The following GCN1 variants were observed in gnomAD, a reference collection of about 807,000 sequenced individuals.
GCN1 encodes stalled ribosome sensor GCN1.
In GCN1, 90 loss-of-function variants were observed where a neutral mutation model predicts 288.4. The ratio of observed to expected loss-of-function variants is 0.31; its 90% CI spans 0.26 to 0.37. The LOEUF (loss-of-function observed/expected upper bound fraction) is 0.37. GCN1 is among the 10% of genes least tolerant of loss of function. GCN1 has a pLI of 1.00. For missense variants in GCN1, 2,586 were observed against 3,419.9 expected (o/e 0.76, Z 6.08); for synonymous variants, 1,386 against 1,420.2 (o/e 0.98, Z 0.54).
Position 120,153,411 on chromosome 12 carries a change from G to A in GCN1, c.3868-4C>T. ...GCAACAGCGAGTTGACGTTCTCCTG[G>A]AAAGCCAAACCCCTCAGAGCCTCAG... On this transcript the variant is annotated splice_region_variant and splice_polypyrimidine_tract_variant and intron_variant, in intron 32 of 57. Coordinates refer to ENST00000300648, the MANE Select transcript of GCN1 (RefSeq NM_006836.2). This position sits in a 1 kb window ranked among gnomAD's most constrained non-coding sequence, Gnocchi z 4.4. The A allele has an allele frequency of 6.2e-7, 1 of 1,613,526 alleles. No homozygotes were observed. The highest frequency in any genetic ancestry group is 8.5e-7 in the Non-Finnish European group (1 of 1,179,848).
intron 12 of GCN1, among the ~76,000 whole-genome samples, chr12:120,174,744 T>C (rs1412154681): frequency 3.4e-5 from 5 of 147,554 alleles, no homozygotes; most frequent in African/African-American, 1.0e-4. Context: ...TGAGCCAAGA[T>C]TGTGCCACTG....
rs578129826 is a variant in GCN1 at position 120,147,112 on chromosome 12, C to T, written c.4887G>A (p.Thr1629=). 14 of 1,605,096 alleles carry T rather than the reference C, an allele frequency of 8.7e-6. No homozygotes were observed. The highest frequency in any genetic ancestry group is 5.3e-5 in the African/African-American group (4 of 74,896). Reference sequence around the variant, plus strand: ...TCTGGGCTGCCATCTTCCGCGTGTCCGTGGAACGGTCCTGGAAGGCTCTCT... The same window carrying T: ...TCTGGGCTGCCATCTTCCGCGTGTCTGTGGAACGGTCCTGGAAGGCTCTCT... ...IVQRAFQDRS[T]DTRKMAAQII... The change falls in exon 38 of 58, where the codon ACG becomes ACA. Residue 1629 remains threonine, a synonymous_variant. Transcript: ENST00000300648.
chr12:120,187,129 G>A (rs529776251), intron 2 of GCN1, among the ~76,000 whole-genome samples: 1 of 152,212 alleles, frequency 6.6e-6, no homozygotes, highest in South Asian at 2.1e-4. Flanking sequence ...GTCAGAAGCA[G>A]CAAATGAGAA....
Position 120,144,445 on chromosome 12 carries a change from G to C in GCN1, c.5356C>G (p.Leu1786Val). Residue 1786 changes from leucine (L) to valine (V), a missense_variant, in exon 42 of 58, where the codon CTT becomes GTT. By Grantham distance (32) the Leu-to-Val change is conservative (BLOSUM62 1). Transcript: ENST00000300648. This position sits in a 1 kb window ranked among gnomAD's most constrained non-coding sequence, Gnocchi z 4.7. ...CGCACAAACTCATTCTCATCAGCAAGAGCCTGGGCACACAGAGGGTGGGTC... is the reference window on the plus strand; with the variant it reads ...CGCACAAACTCATTCTCATCAGCAACAGCCTGGGCACACAGAGGGTGGGTC... ...GPIIPCILKA[L>V]ADENEFVRDT... 1.2e-6 allele frequency: 2 copies of C among 1,612,274 alleles called. No homozygotes were observed. The highest frequency in any genetic ancestry group is 1.7e-6 in the Non-Finnish European group (2 of 1,178,722).
At chr12:120,179,688 T>TGC (rs1373312076) in intron 5 of GCN1, among the ~76,000 whole-genome samples, 2 of 150,644 alleles carry the variant, frequency 1.3e-5, no homozygotes, top group Non-Finnish European at 3.0e-5. Flanking sequence ...CGTGAGCCAC[T>TGC]GCGCCCAGCC....
chr12:120,149,549 C>A, intron 36 of GCN1, 57 bp downstream of exon 36: 1 of 1,233,432 alleles, frequency 8.1e-7, no homozygotes, highest in South Asian at 1.2e-5. Context: ...AGGATCCTTG[C>A]TGAGGCTGGT....
intron 12 of GCN1, 72 bp downstream of exon 12, chr12:120,175,090 G>C: frequency 7.5e-7 from 1 of 1,338,554 alleles, no homozygotes; most frequent in Non-Finnish European, 1.0e-6. Flanking sequence ...TGGCACCACT[G>C]CACTCTATCC....
chr12:120,187,908 A>G (rs921854736), intron 2 of GCN1, among the ~76,000 whole-genome samples: 1 of 152,004 alleles, frequency 6.6e-6, no homozygotes. Context: ...AAAACAAAAA[A>G]CTAGAATTTA....
chr12:120,139,582 C>T (rs556209374), intron 45 of GCN1, among the ~76,000 whole-genome samples: 19 of 152,000 alleles, frequency 1.3e-4, no homozygotes, highest in South Asian at 8.3e-4. Context: ...GAGCTATGAT[C>T]GCACCACTGC....
In GCN1 at chr12:120,155,208, C is replaced by A. The variant is rs779835031; in HGVS notation, c.3630+33G>T. On this transcript the variant is annotated intron_variant, in intron 30 of 57. Coordinates refer to ENST00000300648, the MANE Select transcript of GCN1 (RefSeq NM_006836.2). This position sits in a 1 kb window ranked among gnomAD's most constrained non-coding sequence, Gnocchi z 4.9. Reference sequence around the variant, plus strand: ...CAGAGACCCACCCAACCGCACACACCCAGACTGCATCAGGGCTGCACAGGT... The same window carrying A: ...CAGAGACCCACCCAACCGCACACACACAGACTGCATCAGGGCTGCACAGGT... 6.2e-6 allele frequency: 10 copies of A among 1,606,684 alleles called. No homozygotes were observed. The highest frequency in any genetic ancestry group is 8.5e-6 in the Non-Finnish European group (10 of 1,173,308).
At chr12:120,182,419 A>T (rs1273134141) in intron 5 of GCN1, among the ~76,000 whole-genome samples, 1 of 152,184 alleles carries the variant, frequency 6.6e-6, no homozygotes, top group Non-Finnish European at 1.5e-5. Flanking sequence ...CTATCTAACC[A>T]GCAGGCTGCT....
At chr12:120,128,952 C>T (rs1378285601) in intron 57 of GCN1, among the ~76,000 whole-genome samples, 8 of 150,680 alleles carry the variant, frequency 5.3e-5, no homozygotes, top group Non-Finnish European at 1.0e-4. Flanking sequence ...CGCCATTCTC[C>T]TGCCTCAGCC....
chr12:120,138,165 G>C, intron 47 of GCN1, 121 bp from the exon 48 acceptor site: 1 of 1,001,838 alleles, frequency 1.0e-6, no homozygotes, highest in Non-Finnish European at 1.5e-6. Flanking sequence ...ATCTACTCCA[G>C]CATATCTTGG....
chr12:120,184,178 G>A lies in GCN1; in HGVS notation c.251C>T (p.Ala84Val). ...IQQLAEAQPE[A>V]TAKNLLHSLQ... ...AGAGTGTAGAAGGTTCTTAGCAGTG[G>A]CTTCTGGCTGGGCCTCAGCCAACTG... The change falls in exon 4 of 58, where the codon GCC becomes GTC. Residue 84 changes from alanine to valine, a missense_variant. Around this residue, in one of 8 missense-constraint regions of GCN1, gnomAD observed 913 missense variants for 1,107.0 expected, o/e 0.82. Transcript: ENST00000300648. 1.9e-6 allele frequency: 3 copies of A among 1,613,420 alleles called. No individual in the cohort carries two copies. The highest frequency in any genetic ancestry group is 2.5e-6 in the Non-Finnish European group (3 of 1,179,372).
At chr12:120,167,289 T>C (rs950416941) in intron 16 of GCN1, among the ~76,000 whole-genome samples, 5 of 142,256 alleles carry the variant, frequency 3.5e-5, no homozygotes, top group South Asian at 2.2e-4. Flanking sequence ...GGGGGAGAGG[T>C]TGCGGTGGGC....
intron 50 of GCN1, 50 bp from the exon 51 acceptor site, chr12:120,136,782 T>G: frequency 2.2e-6 from 3 of 1,378,854 alleles, no homozygotes; most frequent in East Asian, 2.3e-5. Context: ...CCCTGGGCCC[T>G]GGTGTCTCCC....
intron 9 of GCN1, 24 bp downstream of exon 9, chr12:120,177,423 C>A (rs771046690): frequency 4.2e-6 from 5 of 1,204,592 alleles, no homozygotes; most frequent in Non-Finnish European, 3.7e-6. Context: ...CTCCCTCCCA[C>A]CATCCTGGTT....
At chr12:120,189,830 T>G (rs1052848084) in intron 2 of GCN1, among the ~76,000 whole-genome samples, 2 of 151,930 alleles carry the variant, frequency 1.3e-5, no homozygotes, top group Non-Finnish European at 2.9e-5. Context: ...AACACGAAAA[T>G]TAGCTGGGTG....
Position 120,128,104 on chromosome 12 carries a change from G to A in GCN1, c.7891-130C>T, listed in dbSNP as rs1876677225. ...ACTGAGGTGGACTCTGGCAAAATAA[G>A]GGAATCAGATGGATCCAGGGAAAGC... On this transcript the variant is annotated intron_variant, in intron 57 of 57. Coordinates refer to ENST00000300648, the MANE Select transcript of GCN1 (RefSeq NM_006836.2). 4.1e-5 allele frequency: 36 copies of A among 883,346 alleles called. 1 individual carries two copies. In the East Asian group the frequency reaches 8.9e-4, roughly 22 times the overall value. The allele number at this position is 883,346 out of a possible 1,614,324, so 54.7% of individuals were successfully genotyped here. A position where few individuals can be genotyped will look rare whatever the true frequency, so the allele number is the denominator to read the frequency against.
Sources: gnomAD v4.1 joint callset for allele counts (sites outside exome capture counted in the v4.1 genomes callset) on GRCh38, gnomAD v4.1.1 for gene constraint, gnomAD v4.1.1 regional missense constraint, Gnocchi (gnomAD v3.1) non-coding constraint, MANE v1.5 for transcripts, NCBI Gene and HGNC (gene_info 2026-07-23, HGNC 2026-07-21) for gene names.